Variants in EXOC1 observed in about 807,000 individuals in gnomAD.
EXOC1 encodes the protein SEC3-like 1.
A neutral mutation model predicts 107.7 loss-of-function variants in EXOC1; 67 were observed. The observed-to-expected ratio is 0.62, with a 90% CI of 0.51 to 0.76. The LOEUF is 0.76. Ranked by LOEUF, EXOC1 falls within the 30% of genes least tolerant of loss-of-function variation. The probability of loss-of-function intolerance (pLI) is 0.00; values close to 1 mark genes in which losing one functional copy is unlikely to be tolerated. For missense variants in EXOC1, 833 were observed against 1,055.7 expected (o/e 0.79, Z 2.92); for synonymous variants, 348 against 353.5 (o/e 0.98, Z 0.17).
rs556837698 is a variant in EXOC1, at chr4:55,886,630, A to G, written c.1331-2258A>G. On this transcript the variant is annotated intron_variant, in intron 10 of 18. Transcript: ENST00000381295. ...CATCGTAAGTCAAGGAGCATCTGTA[A>G]TTATAATTAAAATAGAAATCTCATT... Among the ~76,000 whole-genome samples, 4 of 152,172 alleles carry G rather than the reference A, an allele frequency of 2.6e-5. No homozygotes were observed. The South Asian group carries it at 8.3e-4, about 32-fold the overall frequency.
At chr4:55,875,311 A>C (rs781509951) in intron 8 of EXOC1, among the ~76,000 whole-genome samples, 9 of 152,154 alleles carry the variant, frequency 5.9e-5, no homozygotes, top group Non-Finnish European at 1.2e-4. Flanking sequence ...GCTTAGAAAG[A>C]CTTGTGATTA....
At chr4:55,880,441 G>A (rs1029023874) in intron 9 of EXOC1, among the ~76,000 whole-genome samples, 3 of 151,794 alleles carry the variant, frequency 2.0e-5, no homozygotes, top group African/African-American at 7.3e-5. Context: ...ATTTTCTTTT[G>A]TCTTGTTTTC....
chr4:55,866,405 T>C (rs1400831503), intron 4 of EXOC1, among the ~76,000 whole-genome samples: 1 of 152,160 alleles, frequency 6.6e-6, no homozygotes, highest in African/African-American at 2.4e-5. Context: ...TGAACTGTTA[T>C]TTTGTGTAAT....
intron 3 of EXOC1, 34 bp from the exon 4 acceptor site, chr4:55,864,193 C>A: frequency 1.5e-6 from 2 of 1,355,612 alleles, no homozygotes; most frequent in South Asian, 1.4e-5. Context: ...AGGATGTGAT[C>A]AAAAATAATA....
At chr4:55,897,298 T>G (rs574360757) in intron 16 of EXOC1, among the ~76,000 whole-genome samples, 1 of 152,122 alleles carries the variant, frequency 6.6e-6, no homozygotes, top group South Asian at 2.1e-4. Flanking sequence ...TGCTAATTTT[T>G]TGTAGAAAAT....
intron 8 of EXOC1, chr4:55,875,505 A>G: frequency 1.0e-6 from 1 of 972,754 alleles, no homozygotes; most frequent in Non-Finnish European, 1.2e-6. Context: ...TGCAGACACT[A>G]GAGCCAAACT....
chr4:55,877,294 G>C, intron 8 of EXOC1: 1 of 985,258 alleles, frequency 1.0e-6, no homozygotes, highest in Non-Finnish European at 1.2e-6. Flanking sequence ...ATAACTTCTG[G>C]CTATCTAGGC....
At chr4:55,899,512 T>G (rs1725643827) in intron 16 of EXOC1, among the ~76,000 whole-genome samples, 173 bp from the exon 17 acceptor site, 2 of 152,168 alleles carry the variant, frequency 1.3e-5, no homozygotes, top group African/African-American at 4.8e-5. Flanking sequence ...TAGGATGACT[T>G]TTTATTATGA....
At chr4:55,890,955 T>G (rs1331354320) in intron 12 of EXOC1, among the ~76,000 whole-genome samples, 1 of 152,218 alleles carries the variant, frequency 6.6e-6, no homozygotes, top group African/African-American at 2.4e-5. Flanking sequence ...TTCGAACTCC[T>G]GAGCTCAAGT....
rs777928670 is a variant in EXOC1, at chr4:55,860,451, C to T, written c.165C>T (p.Val55=). 2.5e-6 allele frequency: 4 copies of T among 1,613,942 alleles called. No homozygotes were observed. Among genetic ancestry groups the T allele is most frequent in the Non-Finnish European group, 2.5e-6 (3 of 1,179,898 alleles). Residue 55 remains valine (V), a synonymous_variant, in exon 3 of 19, where the codon GTC becomes GTT. Coordinates refer to ENST00000381295, the MANE Select transcript of EXOC1 (RefSeq NM_001024924.2). ...ERPVQVKVVK[V]KKSDKGDFYK... ...CTGTGCAGGTTAAGGTGGTCAAAGT[C>T]AAGAAATCCGATAAGGGAGATTTCT...
At chr4:55,876,666 A>C in intron 8 of EXOC1, 1 of 985,156 alleles carries the variant, frequency 1.0e-6, no homozygotes, top group Non-Finnish European at 1.2e-6. Context: ...GTTATTTTGA[A>C]CTGGTCAGTT....
intron 9 of EXOC1, 103 bp from the exon 10 acceptor site, chr4:55,883,720 G>A: frequency 1.6e-6 from 1 of 641,864 alleles, no homozygotes; most frequent in East Asian, 3.3e-5. Flanking sequence ...CAAAGTTTTG[G>A]ACTATGAAAT....
intron 9 of EXOC1, among the ~76,000 whole-genome samples, chr4:55,878,728 A>G (rs1251753092): frequency 6.6e-6 from 1 of 152,168 alleles, no homozygotes; most frequent in African/African-American, 2.4e-5. Context: ...AGGGATGGGG[A>G]GAGAGATGTG....
At chr4:55,886,575 C>CAAA (rs71832369) in intron 10 of EXOC1, among the ~76,000 whole-genome samples, 4 of 96,234 alleles carry the variant, frequency 4.2e-5, no homozygotes, top group African/African-American at 1.2e-4. Flanking sequence ...AACAAAAAAA[C>CAAA]AAAAAAAAAA....
chr4:55,868,307 A>C lies in EXOC1; in HGVS notation c.416-29A>C, dbSNP rs199912958. 5.1e-6 allele frequency: 8 copies of C among 1,576,492 alleles called. No individual in the cohort carries two copies. In the South Asian group the frequency reaches 8.2e-5, roughly 16 times the overall value. Reference sequence around the variant, plus strand: ...TATAGTCTTTTCTACTTTTTTGACTATTTTACTTTGAATTTTTACCTCTTT... The same window carrying C: ...TATAGTCTTTTCTACTTTTTTGACTCTTTTACTTTGAATTTTTACCTCTTT... On this transcript the variant is annotated intron_variant, in intron 4 of 18. Transcript: ENST00000381295.
chr4:55,865,001 A>C (rs933238570), intron 4 of EXOC1, among the ~76,000 whole-genome samples: 5 of 152,102 alleles, frequency 3.3e-5, no homozygotes, highest in Non-Finnish European at 7.4e-5. Flanking sequence ...CTTACTCTCT[A>C]TGTTTCAGTT....
chr4:55,887,910 A>G (rs1724079157), intron 10 of EXOC1, among the ~76,000 whole-genome samples: 1 of 150,794 alleles, frequency 6.6e-6, no homozygotes, highest in South Asian at 2.1e-4. Flanking sequence ...CTTGAGCTTC[A>G]GGTAGCCAAG....
In EXOC1 at chr4:55,890,401, C is replaced by A; in HGVS notation, c.1539+15C>A. 1.9e-6 allele frequency: 3 copies of A among 1,610,826 alleles called. No homozygotes were observed. The highest frequency in any genetic ancestry group is 2.5e-6 in the Non-Finnish European group (3 of 1,177,886). Reference sequence around the variant, plus strand: ...AATTTGATAAGGTAAACTAAAATAACAAGTACTTCTTAAACATTAACATTA... The same window carrying A: ...AATTTGATAAGGTAAACTAAAATAAAAAGTACTTCTTAAACATTAACATTA... On this transcript the variant is annotated intron_variant, in intron 12 of 18. Coordinates refer to ENST00000381295, the MANE Select transcript of EXOC1 (RefSeq NM_001024924.2).
chr4:55,900,827 G>A (rs1378908310), intron 17 of EXOC1: 1 of 152,130 alleles, frequency 6.6e-6, no homozygotes, highest in Non-Finnish European at 1.5e-5. Flanking sequence ...GCAATGAGTG[G>A]AGATCACACC....
Sources: allele counts gnomAD v4.1 joint callset (sites outside exome capture counted in the v4.1 genomes callset), GRCh38; gene constraint gnomAD v4.1.1; transcripts MANE v1.5; gene names NCBI Gene and HGNC (gene_info 2026-07-23, HGNC 2026-07-21).